Variants in UBR4 observed in about 807,000 individuals in gnomAD.
UBR4 encodes ubiquitin protein ligase E3 component n-recognin 4.
A neutral mutation model predicts 575.6 loss-of-function variants in UBR4; 124 were observed. The ratio of observed to expected loss-of-function variants is 0.22; its 90% CI spans 0.19 to 0.25. The LOEUF is 0.25. Among genes scored for constraint, UBR4 ranks in the 10% least tolerant of loss-of-function variants. The pLI is 1.00. For missense variants in UBR4, 4,818 were observed against 6,478.8 expected (o/e 0.74, Z 8.80); for synonymous variants, 2,455 against 2,473.7 (o/e 0.99, Z 0.22).
At chr1:19,198,438 A>G (rs1296873041) in intron 5 of UBR4, 103 bp downstream of exon 5, 30 of 1,440,488 alleles carry the variant, frequency 2.1e-5, no homozygotes, top group Non-Finnish European at 2.8e-5. Flanking sequence ...AGACATGTAT[A>G]TCATTTTATA....
At chr1:19,199,328 A>C (rs2092631565) in intron 3 of UBR4, among the ~76,000 whole-genome samples, 1 of 152,198 alleles carries the variant, frequency 6.6e-6, no homozygotes, top group Admixed American at 6.5e-5. Context: ...TGGCCCCTGC[A>C]GGTATGTAAG....
Position 19,094,020 on chromosome 1 carries a change from G to A in UBR4, c.13866C>T (p.Tyr4622=). 6.2e-7 allele frequency: 1 copy of A among 1,614,104 alleles called. No individual in the cohort carries two copies. Among genetic ancestry groups the A allele is most frequent in the Non-Finnish European group, 8.5e-7 (1 of 1,180,024 alleles). ...TTTTCTCCACCTCTCCAAAGGAAAG[G>A]TACGGGATGATGCGAAGCAGGCCCT... ...VLQGLLRIIP[Y]LSFGEVEKMQ... Residue 4622 remains tyrosine, a synonymous_variant, in exon 95 of 106, where the codon TAC becomes TAT. Coordinates refer to ENST00000375254, the MANE Select transcript of UBR4 (RefSeq NM_020765.3).
rs368296926 is a variant in UBR4, at chr1:19,104,303, A to G, written c.12728-46T>C. 11 of 1,601,806 alleles carry G rather than the reference A, an allele frequency of 6.9e-6. No homozygotes were observed. In the African/African-American group the frequency reaches 1.1e-4, roughly 16 times the overall value. On this transcript the variant is annotated intron_variant, in intron 86 of 105. Transcript: ENST00000375254. The stretch of plus-strand genomic sequence containing the variant: ...TGCTGTGAGAGCTCTGGATGAAAAC[A>G]TAAGGACAGTCTGTGTCTCAAAAGA...
intron 1 of UBR4, among the ~76,000 whole-genome samples, chr1:19,204,678 A>T (rs760890316): frequency 2.3e-4 from 35 of 152,188 alleles, no homozygotes; most frequent in Non-Finnish European, 4.1e-4. Context: ...ATTTTGGGGA[A>T]AGATAGACAT....
chr1:19,078,007 G>T lies in UBR4; in HGVS notation c.15293C>A (p.Ala5098Asp). The T allele has an allele frequency of 6.2e-7, 1 of 1,614,056 alleles. No individual in the cohort carries two copies. Among genetic ancestry groups the T allele is most frequent in the Non-Finnish European group, 8.5e-7 (1 of 1,179,998 alleles). The change falls in exon 104 of 106, where the codon GCC becomes GAC. Residue 5098 changes from alanine to aspartate, a missense_variant. Around this residue, in one of 29 missense-constraint regions of UBR4, gnomAD observed 212 missense variants for 221.3 expected, o/e 0.96. Transcript: ENST00000375254. ...CATGTTGTAAATGAGATCGACGAGG[G>T]CCCAAAAGAGAAGGGAAGAACGGTA... The part of the protein sequence containing the change: ...SAYRSSLLFW[A>D]LVDLIYNMFK...
At chr1:19,199,838 T>A (rs1257615750) in intron 2 of UBR4, 84 bp from the exon 3 acceptor site, 2 of 1,231,378 alleles carry the variant, frequency 1.6e-6, no homozygotes, top group Non-Finnish European at 2.3e-6. Context: ...GAGCTCTATG[T>A]CCAACATTCC....
intron 102 of UBR4, 158 bp from the exon 103 acceptor site, chr1:19,081,731 T>G: frequency 1.2e-6 from 1 of 807,528 alleles, no homozygotes; most frequent in Non-Finnish European, 2.2e-6. Flanking sequence ...CTACTCCCAC[T>G]TCCTCTGATA....
chr1:19,184,260 A>G, intron 15 of UBR4, 85 bp from the exon 16 acceptor site: 1 of 1,406,396 alleles, frequency 7.1e-7, no homozygotes, highest in South Asian at 1.4e-5. Context: ...AGAAAATAAA[A>G]TATGCTCATA....
rs751849251 is a variant in UBR4, at chr1:19,138,048, T to TTCTCCC, written c.8859_8864dup (p.Gly2958_Glu2959dup). 5 of 1,583,526 alleles carry TTCTCCC rather than the reference T, an allele frequency of 3.2e-6. No individual in the cohort carries two copies. The African/African-American group carries it at 6.7e-5, about 21-fold the overall frequency. On this transcript the variant is annotated inframe_insertion, in exon 60 of 106. Coordinates refer to ENST00000375254, the MANE Select transcript of UBR4 (RefSeq NM_020765.3). ...CATCTCCTTCAGTTTCTCCTTCTCC[T>TTCTCCC]TCTCCCTCGGAGCCATCTCCCTCCT...
chr1:19,158,056 T>G (rs1319925863), intron 39 of UBR4, 59 bp from the exon 40 acceptor site: 2 of 1,554,884 alleles, frequency 1.3e-6, no homozygotes, highest in Non-Finnish European at 1.8e-6. Context: ...ATCAAGTGGA[T>G]TCACGCACTA....
intron 11 of UBR4, among the ~76,000 whole-genome samples, 191 bp downstream of exon 11, chr1:19,191,997 G>C (rs79334446): frequency 0.022 from 3,405 of 152,246 alleles, 143 homozygotes; most frequent in African/African-American, 0.078. Context: ...CAAAGAGAAT[G>C]AGTGACTTAT....
At chr1:19,116,052 C>A (rs1481345454) in intron 73 of UBR4, among the ~76,000 whole-genome samples, 1 of 152,158 alleles carries the variant, frequency 6.6e-6, no homozygotes, top group Admixed American at 6.5e-5. Flanking sequence ...AAATCAGGGT[C>A]TGAACCAAGT....
chr1:19,141,270 T>A, intron 57 of UBR4, 77 bp downstream of exon 57: 2 of 1,599,694 alleles, frequency 1.3e-6, no homozygotes, highest in Non-Finnish European at 1.7e-6. Flanking sequence ...CTAAGTCAGC[T>A]GGATATCAGT....
chr1:19,158,231 T>TA (rs146545505), intron 39 of UBR4, among the ~76,000 whole-genome samples: 2,986 of 152,282 alleles, frequency 0.02, 39 homozygotes, highest in South Asian at 0.055. Flanking sequence ...TACTGGTCTT[T>TA]TAAAAAAATG....
intron 11 of UBR4, among the ~76,000 whole-genome samples, chr1:19,190,292 CAAAA>C (rs1184892281): frequency 2.5e-5 from 1 of 40,396 alleles, no homozygotes; most frequent in East Asian, 9.8e-4. Flanking sequence ...GACTCTGCCT[CAAAA>C]AAAAAAAAAA....
At chr1:19,162,321 T>A in intron 35 of UBR4, 99 bp downstream of exon 35, 1 of 1,429,740 alleles carries the variant, frequency 7.0e-7, no homozygotes, top group Non-Finnish European at 9.4e-7. Context: ...TAGGAAGTTT[T>A]GAAGCTCACA....
At chr1:19,166,930 G>A (rs1196910485) in intron 29 of UBR4, 92 bp downstream of exon 29, 5 of 1,362,194 alleles carry the variant, frequency 3.7e-6, no homozygotes, top group African/African-American at 1.5e-5. Context: ...AAAACAATAA[G>A]CTATTAATGA....
In UBR4 at chr1:19,110,756, C is replaced by T; in HGVS notation, c.11878G>A (p.Ala3960Thr). 6.2e-7 allele frequency: 1 copy of T among 1,614,110 alleles called. No homozygotes were observed. Among genetic ancestry groups the T allele is most frequent in the Non-Finnish European group, 8.5e-7 (1 of 1,180,030 alleles). ...GGCCGGCTCACCAGATCGGGGTTGGCCCAGTGGCCCTTCAGGGCTGTGGAG... is the reference window on the plus strand; with the variant it reads ...GGCCGGCTCACCAGATCGGGGTTGGTCCAGTGGCCCTTCAGGGCTGTGGAG... Reference protein sequence around the residue: ...KVSTALKGHWANPDLASSLQY... With the variant: ...KVSTALKGHWTNPDLASSLQY... The change falls in exon 79 of 106, where the codon GCC (alanine) becomes ACC (threonine). Residue 3960 changes from alanine to threonine, a missense_variant. This residue lies in a region of UBR4 where 333 missense variants were observed against 459.2 expected (regional missense o/e 0.73). Transcript: ENST00000375254. This position sits in a 1 kb window ranked among gnomAD's most constrained non-coding sequence, Gnocchi z 4.5.
chr1:19,129,460 A>G (rs1363756431), intron 60 of UBR4, among the ~76,000 whole-genome samples: 1 of 152,174 alleles, frequency 6.6e-6, no homozygotes, highest in Non-Finnish European at 1.5e-5. Context: ...GCCTCCAGAC[A>G]TTATTTTCTA....
Sources: gnomAD v4.1 joint callset for allele counts (sites outside exome capture counted in the v4.1 genomes callset) on GRCh38, gnomAD v4.1.1 for gene constraint, gnomAD v4.1.1 regional missense constraint, Gnocchi (gnomAD v3.1) non-coding constraint, MANE v1.5 for transcripts, NCBI Gene and HGNC (gene_info 2026-07-23, HGNC 2026-07-21) for gene names.